Variants in STAU2 observed in about 807,000 individuals in gnomAD.
STAU2 encodes the protein double-stranded RNA-binding protein Staufen homolog 2.
A neutral mutation model predicts 65.9 loss-of-function variants in STAU2; 20 were observed. The ratio of observed to expected loss-of-function variants is 0.30; its 90% CI spans 0.21 to 0.44. The LOEUF is 0.44. STAU2 is among the 20% of genes least tolerant of loss of function. STAU2 has a pLI of 1.00. For synonymous variants in STAU2, 232 were observed against 233.9 expected (o/e 0.99, Z 0.07); for missense variants, 558 against 683.9 (o/e 0.82, Z 2.05).
intron 4 of STAU2, among the ~76,000 whole-genome samples, chr8:73,700,042 T>TA (rs752885064): frequency 7.9e-5 from 12 of 152,120 alleles, no homozygotes; most frequent in Non-Finnish European, 4.4e-5. Flanking sequence ...ATCAATGTGA[T>TA]ACATCACATC....
chr8:73,721,958 T>C (rs1403529773), intron 3 of STAU2, among the ~76,000 whole-genome samples: 1 of 152,186 alleles, frequency 6.6e-6, no homozygotes, highest in Admixed American at 6.5e-5. Context: ...ATTTTTCCCA[T>C]TTGGTGTTTG....
rs1046314914 is a variant in STAU2, at chr8:73,621,953, T to C, written c.411-4502A>G. On this transcript the variant is annotated intron_variant, in intron 6 of 14. Coordinates refer to ENST00000524300, the MANE Select transcript of STAU2 (RefSeq NM_001164380.2). ...GCACAATGGTTAGGTCTTTCTCTCT[T>C]TTTTTTTTTTTTTTTTTTCCTGAGA... 2.7e-3 allele frequency among the ~76,000 whole-genome samples: 397 copies of C among 144,636 alleles called. 2 individuals carry two copies. Among genetic ancestry groups the C allele is most frequent in the South Asian group, 4.6e-3 (21 of 4,526 alleles). The allele number at this position is 144,636 out of a possible 152,430, so 94.9% of individuals were successfully genotyped here. A position where few individuals can be genotyped will look rare whatever the true frequency, so the allele number is the denominator to read the frequency against.
At chr8:73,666,311 G>A (rs995204923) in intron 6 of STAU2, among the ~76,000 whole-genome samples, 1 of 152,114 alleles carries the variant, frequency 6.6e-6, no homozygotes, top group African/African-American at 2.4e-5. Context: ...TCATAAATCA[G>A]AATCTTGGCT....
At position 73,462,167 on chromosome 8, in the gene STAU2, C is replaced by T. The variant is rs1819391064; in HGVS notation, c.1531-39465G>A. On this transcript the variant is annotated intron_variant, in intron 13 of 14. Transcript: ENST00000524300. ...TGATCTTGGATCATTGCAACCTCCA[C>T]CTCCTGGGTTCAAGCAATTCTCCTG... Among the ~76,000 whole-genome samples, 4 of 152,266 alleles carry T rather than the reference C, an allele frequency of 2.6e-5. No individual in the cohort carries two copies. In the South Asian group the frequency reaches 8.3e-4, roughly 32 times the overall value.
chr8:73,575,506 C>T (rs1481628631), intron 12 of STAU2, among the ~76,000 whole-genome samples: 1 of 152,104 alleles, frequency 6.6e-6, no homozygotes, highest in African/African-American at 2.4e-5. Context: ...AACAAATATG[C>T]TACCACATAC....
chr8:73,497,201 A>C (rs987116767), intron 13 of STAU2, among the ~76,000 whole-genome samples: 1 of 151,710 alleles, frequency 6.6e-6, no homozygotes, highest in African/African-American at 2.4e-5. Context: ...GCTTAAGTCT[A>C]TTAAATAATT....
At chr8:73,460,857 C>T (rs1274469543) in intron 13 of STAU2, among the ~76,000 whole-genome samples, 1 of 152,244 alleles carries the variant, frequency 6.6e-6, no homozygotes, top group Non-Finnish European at 1.5e-5. Flanking sequence ...TCAGATTTCT[C>T]ATACGCTTCT....
At chr8:73,592,399 T>A (rs1810889928) in intron 11 of STAU2, among the ~76,000 whole-genome samples, 2 of 152,028 alleles carry the variant, frequency 1.3e-5, no homozygotes, top group South Asian at 4.2e-4. Flanking sequence ...TTAGATGAAA[T>A]CAACTAATTC....
chr8:73,561,357 T>A (rs1213319595), intron 12 of STAU2: 1 of 312,834 alleles, frequency 3.2e-6, no homozygotes, highest in East Asian at 9.1e-5. Context: ...CAACTGTGAC[T>A]ATTTCTACCA....
At position 73,569,160 on chromosome 8, in the gene STAU2, T is replaced by C. The variant is rs151203935; in HGVS notation, c.1222+13610A>G. Among the ~76,000 whole-genome samples, 835 of 152,198 alleles carry C rather than the reference T, an allele frequency of 5.5e-3. 5 individuals are homozygous for C. The highest frequency in any genetic ancestry group is 0.019 in the African/African-American group (785 of 41,536). ...TAGCAAACGGCACACCAAGAGATTA[T>C]ATCCTGCGCCTGGCTCAGAGGGTCC... is the stretch of plus-strand genomic sequence containing the variant. On this transcript the variant is annotated intron_variant, in intron 12 of 14. Transcript: ENST00000524300.
In STAU2 at chr8:73,581,345, ATTCT is replaced by A. The variant is rs200902263; in HGVS notation, c.1222+1421_1222+1424del. 1.7e-4 allele frequency among the ~76,000 whole-genome samples: 26 copies of A among 152,352 alleles called. No homozygotes were observed. The East Asian group carries it at 4.8e-3, about 28-fold the overall frequency. Reference sequence around the variant, plus strand: ...GTAACTATTCAATAATAAGCTATATATTCTTGGTCACCATATGTATGCACAAACC... The same window carrying A: ...GTAACTATTCAATAATAAGCTATATATGGTCACCATATGTATGCACAAACC... On this transcript the variant is annotated intron_variant, in intron 12 of 14. Coordinates refer to ENST00000524300, the MANE Select transcript of STAU2 (RefSeq NM_001164380.2).
chr8:73,637,952 A>G (rs1283426784), intron 6 of STAU2, among the ~76,000 whole-genome samples: 1 of 152,064 alleles, frequency 6.6e-6, no homozygotes, highest in East Asian at 1.9e-4. Context: ...TAATCAGTTT[A>G]GAAAAAATAA....
At chr8:73,537,450 C>A (rs1431223497) in intron 13 of STAU2, among the ~76,000 whole-genome samples, 2 of 152,076 alleles carry the variant, frequency 1.3e-5, no homozygotes, top group Admixed American at 6.5e-5. Context: ...AAAATTAAAG[C>A]CTAAGAAAAA....
intron 11 of STAU2, among the ~76,000 whole-genome samples, chr8:73,587,943 A>G (rs1810492357): frequency 6.6e-6 from 1 of 152,176 alleles, no homozygotes; most frequent in South Asian, 2.1e-4. Context: ...TATGAGTACT[A>G]CTTTGATGAA....
intron 4 of STAU2, among the ~76,000 whole-genome samples, chr8:73,708,133 G>A (rs892663978): frequency 1.3e-5 from 2 of 152,168 alleles, no homozygotes; most frequent in Admixed American, 6.5e-5. Context: ...TTAAATTGTT[G>A]CCCCTAAATC....
At chr8:73,525,228 T>C (rs1823287049) in intron 13 of STAU2, among the ~76,000 whole-genome samples, 1 of 152,188 alleles carries the variant, frequency 6.6e-6, no homozygotes, top group Admixed American at 6.6e-5. Context: ...ATCTATAAAA[T>C]AGTTGTATTT....
intron 11 of STAU2, among the ~76,000 whole-genome samples, chr8:73,583,302 C>T (rs1810127894): frequency 6.6e-6 from 1 of 151,864 alleles, no homozygotes; most frequent in Non-Finnish European, 1.5e-5. Context: ...CCTGCCACCA[C>T]GCCCGGCTAA....
intron 13 of STAU2, among the ~76,000 whole-genome samples, chr8:73,464,029 C>T (rs1476333390): frequency 6.6e-6 from 1 of 152,078 alleles, no homozygotes; most frequent in Non-Finnish European, 1.5e-5. Context: ...CTATTTTTTC[C>T]TTTTGGTAAA....
At chr8:73,740,059 T>C (rs1333507936) in intron 1 of STAU2, among the ~76,000 whole-genome samples, 191 bp from the exon 2 acceptor site, 1 of 152,166 alleles carries the variant, frequency 6.6e-6, no homozygotes, top group East Asian at 1.9e-4. Context: ...AACAATTGAT[T>C]TCTTCAGTCC....
Sources: allele counts gnomAD v4.1 joint callset (sites outside exome capture counted in the v4.1 genomes callset), GRCh38; gene constraint gnomAD v4.1.1; transcripts MANE v1.5; gene names NCBI Gene and HGNC (gene_info 2026-07-23, HGNC 2026-07-21).